The following CLN8 variants were observed in gnomAD, a reference collection of about 807,000 sequenced individuals.
CLN8 encodes the protein protein CLN8.
In CLN8, 14 loss-of-function variants were observed where a neutral mutation model predicts 15.7. The ratio of observed to expected loss-of-function variants is 0.89; its 90% CI spans 0.59 to 1.39. CLN8 has a LOEUF of 1.39. CLN8 is among the 40% of genes most tolerant of loss of function. The pLI is 0.00. For synonymous variants in CLN8, 188 were observed against 151.0 expected (o/e 1.25, Z -1.80); for missense variants, 415 against 364.0 (o/e 1.14, Z -1.14).
In CLN8 at chr8:1,782,720, C is replaced by G. The variant is rs966889919; in HGVS notation, c.*2153C>G. On this transcript the variant is annotated 3_prime_UTR_variant, in exon 3 of 3. Transcript: ENST00000331222. The stretch of plus-strand genomic sequence containing the variant: ...ACCCAAATGATGTCTTCCTCTCTCT[C>G]AAAATAAACTAACCTATTCATATTG... 1 of 152,218 alleles carries G rather than the reference C, an allele frequency of 6.6e-6. No individual in the cohort carries two copies. Among genetic ancestry groups the G allele is most frequent in the East Asian group, 1.9e-4 (1 of 5,204 alleles). 9.4% of individuals were successfully genotyped at this position (152,218 alleles called of 1,614,324 possible).
chr8:1,776,316 T>G (rs557890195), intron 2 of CLN8, among the ~76,000 whole-genome samples: 1 of 151,766 alleles, frequency 6.6e-6, no homozygotes, highest in African/African-American at 2.4e-5. Context: ...TGACAGAAGG[T>G]TCTGGAAGGT....
intron 1 of CLN8, among the ~76,000 whole-genome samples, chr8:1,758,016 A>G (rs1048281230): frequency 1.3e-5 from 2 of 152,138 alleles, no homozygotes; most frequent in African/African-American, 4.8e-5. Flanking sequence ...CCAAGGTCAC[A>G]CAGCCAGCAG....
rs1367215384 is a variant in CLN8, at chr8:1,781,532, C to G, written c.*965C>G. On this transcript the variant is annotated 3_prime_UTR_variant, in exon 3 of 3. Transcript: ENST00000331222. ...GTGGGCTGGTAAAGATGAAATCTTG[C>G]AAGTTTTTTTTTTTTTTAAATCATG... 2 of 151,488 alleles carry G rather than the reference C, an allele frequency of 1.3e-5. No homozygotes were observed. The highest frequency in any genetic ancestry group is 4.9e-5 in the African/African-American group (2 of 41,212). 9.4% of individuals were successfully genotyped at this position (151,488 alleles called of 1,614,324 possible).
At chr8:1,778,027 C>T (rs1585148326) in intron 2 of CLN8, among the ~76,000 whole-genome samples, 2 of 152,250 alleles carry the variant, frequency 1.3e-5, no homozygotes, top group South Asian at 2.1e-4. Context: ...TGTCCAGCCT[C>T]ACCTGGGTGT....
chr8:1,757,543 T>G (rs7828950), intron 1 of CLN8, among the ~76,000 whole-genome samples: 1 of 152,100 alleles, frequency 6.6e-6, no homozygotes, highest in African/African-American at 2.4e-5. Flanking sequence ...CAGGTTCATG[T>G]AATTCTCCTG....
intron 2 of CLN8, among the ~76,000 whole-genome samples, chr8:1,777,563 G>GTA (rs907723552): frequency 3.1e-4 from 47 of 151,820 alleles, no homozygotes; most frequent in African/African-American, 8.7e-4. Flanking sequence ...TACATTGTGT[G>GTA]TATATATATA....
In CLN8 at chr8:1,771,116, G is replaced by C; in HGVS notation, c.62G>C (p.Trp21Ser). The change falls in exon 2 of 3, where the codon TGG becomes TCG. Residue 21 changes from tryptophan (W) to serine (S), a missense_variant. Coordinates refer to ENST00000331222, the MANE Select transcript of CLN8 (RefSeq NM_018941.4). ...ATTTTTGACCTGGACTATGCATCCT[G>C]GGGGATCCGCTCCACGCTGATGGTC... ...ESIFDLDYAS[W>S]GIRSTLMVAG... 2 of 1,614,024 alleles carry C rather than the reference G, an allele frequency of 1.2e-6. No individual in the cohort carries two copies. Among genetic ancestry groups the C allele is most frequent in the South Asian group, 1.1e-5 (1 of 91,082 alleles).
Position 1,785,220 on chromosome 8 carries a change from G to A in CLN8, c.*4653G>A. 2 of 172,974 alleles carry A rather than the reference G, an allele frequency of 1.2e-5. No homozygotes were observed. The highest frequency in any genetic ancestry group is 5.6e-5 in the Admixed American group (1 of 17,706). 10.7% of individuals were successfully genotyped at this position (172,974 alleles called of 1,614,324 possible). ...CTCGGCCGCGAAGTGTGTCAGGTGT[G>A]CATCCTGGGTGCTCCTTTGTGCTCT... On this transcript the variant is annotated 3_prime_UTR_variant, in exon 3 of 3. Transcript: ENST00000331222.
intron 2 of CLN8, among the ~76,000 whole-genome samples, chr8:1,776,675 G>A (rs1463521131): frequency 6.6e-6 from 1 of 152,222 alleles, no homozygotes; most frequent in African/African-American, 2.4e-5. Flanking sequence ...ATGCTTGAGT[G>A]TCTTCAGTTT....
At chr8:1,775,728 A>G (rs1379761059) in intron 2 of CLN8, among the ~76,000 whole-genome samples, 1 of 152,156 alleles carries the variant, frequency 6.6e-6, no homozygotes, top group Admixed American at 6.5e-5. Flanking sequence ...ACAGTTCATC[A>G]CTGTGTGGGG....
In CLN8 at chr8:1,780,809, C is replaced by A. The variant is rs752764637; in HGVS notation, c.*242C>A. Reference sequence around the variant, plus strand: ...TTTAGCCGCGCCGGACCGTGTCAAGCATCTAGGAGAGGAGTCCATGGTGTC... The same window carrying A: ...TTTAGCCGCGCCGGACCGTGTCAAGAATCTAGGAGAGGAGTCCATGGTGTC... On this transcript the variant is annotated 3_prime_UTR_variant, in exon 3 of 3. Transcript: ENST00000331222. 1 of 573,730 alleles carries A rather than the reference C, an allele frequency of 1.7e-6. No homozygotes were observed. 35.5% of individuals were successfully genotyped at this position (573,730 alleles called of 1,614,324 possible). A position where few individuals can be genotyped will look rare whatever the true frequency, so the allele number is the denominator to read the frequency against.
At position 1,783,890 on chromosome 8, in the gene CLN8, G is replaced by C. The variant is rs1391460622; in HGVS notation, c.*3323G>C. On this transcript the variant is annotated 3_prime_UTR_variant, in exon 3 of 3. Coordinates refer to ENST00000331222, the MANE Select transcript of CLN8 (RefSeq NM_018941.4). ...GCCTGCCTTGGGCGCAGCCTCCGGC[G>C]CCAGAGCTGGGCTCTTCAACACGGC... 6.6e-6 allele frequency: 1 copy of C among 152,266 alleles called. No homozygotes were observed. The highest frequency in any genetic ancestry group is 2.4e-5 in the African/African-American group (1 of 41,458). The allele number at this position is 152,266 out of a possible 1,614,324, so 9.4% of individuals were successfully genotyped here. A position where few individuals can be genotyped will look rare whatever the true frequency, so the allele number is the denominator to read the frequency against.
At chr8:1,768,100 C>T (rs1438684879) in intron 1 of CLN8, among the ~76,000 whole-genome samples, 1 of 151,888 alleles carries the variant, frequency 6.6e-6, no homozygotes, top group African/African-American at 2.4e-5. Flanking sequence ...CGCACCACCA[C>T]GCCTGGCTGA....
intron 2 of CLN8, chr8:1,773,096 C>T (rs921599211): frequency 2.5e-6 from 1 of 394,792 alleles, no homozygotes; most frequent in African/African-American, 2.1e-5. Flanking sequence ...GTGCTGGCAC[C>T]TGGGAACTCA....
intron 1 of CLN8, among the ~76,000 whole-genome samples, chr8:1,765,781 G>A (rs1048431392): frequency 6.6e-6 from 1 of 152,204 alleles, no homozygotes; most frequent in Non-Finnish European, 1.5e-5. Context: ...TTGATGGAAA[G>A]GAGAATTAGC....
intron 2 of CLN8, chr8:1,773,572 G>A (rs1001482626): frequency 6.6e-6 from 1 of 152,224 alleles, no homozygotes; most frequent in Non-Finnish European, 1.5e-5. Context: ...GCTGTGACCT[G>A]GGACCCCATC....
At chr8:1,770,724 C>G (rs367583658) in intron 1 of CLN8, among the ~76,000 whole-genome samples, 11 of 152,290 alleles carry the variant, frequency 7.2e-5, no homozygotes, top group Admixed American at 5.9e-4. Flanking sequence ...GCCTCCTGTT[C>G]GTGGCTGGAC....
At chr8:1,770,906 C>T in intron 1 of CLN8, 26 bp from the exon 2 acceptor site, 3 of 733,226 alleles carry the variant, frequency 4.1e-6, no homozygotes, top group Non-Finnish European at 7.1e-6. Context: ...ATCGAGTCAA[C>T]ACAAAATGAA....
intron 2 of CLN8, among the ~76,000 whole-genome samples, chr8:1,779,549 T>G (rs559840744): frequency 6.6e-6 from 1 of 152,284 alleles, no homozygotes; most frequent in Admixed American, 6.5e-5. Context: ...CTGGCCCAAG[T>G]TAGAATATTT....
Sources: gnomAD v4.1 joint callset for allele counts (sites outside exome capture counted in the v4.1 genomes callset) on GRCh38, gnomAD v4.1.1 for gene constraint, MANE v1.5 for transcripts, NCBI Gene and HGNC (gene_info 2026-07-23, HGNC 2026-07-21) for gene names.